The following FXR1 variants were observed in gnomAD, a reference collection of about 807,000 sequenced individuals.
The protein encoded by FXR1 is FMR1 autosomal homolog 1.
FXR1 carries 15 observed loss-of-function variants against 84.0 expected under a neutral mutation model. That is an observed-to-expected ratio of 0.18 (90% CI 0.12 to 0.27). FXR1 has a LOEUF of 0.27. FXR1 is among the 10% of genes least tolerant of loss of function. The pLI is 1.00. For missense variants in FXR1, 480 were observed against 774.4 expected, an observed-to-expected ratio of 0.62 and a Z score of 4.51; for synonymous variants, 245 against 250.7, an observed-to-expected ratio of 0.98 and a Z score of 0.21.
intron 13 of FXR1, among the ~76,000 whole-genome samples, chr3:180,966,807 T>C (rs370625423): frequency 2.6e-5 from 4 of 152,072 alleles, no homozygotes; most frequent in South Asian, 4.2e-4. Flanking sequence ...AACTAGGCCC[T>C]GAAGGAGATA....
At position 180,978,569 on chromosome 3, in the gene FXR1, C is replaced by G. The variant is rs531061114; in HGVS notation, c.*2277C>G. The G allele has an allele frequency of 6.6e-6, 1 of 151,976 alleles. No homozygotes were observed. Among genetic ancestry groups the G allele is most frequent in the African/African-American group, 2.4e-5 (1 of 41,396 alleles). The allele number at this position is 151,976 out of a possible 1,614,324, so 9.4% of individuals were successfully genotyped here. A position where few individuals can be genotyped will look rare whatever the true frequency, so the allele number is the denominator to read the frequency against. ...TATGGGAAGAACTTGCCACTATACACTAAACAGACACTTAAGCAAAAGATG... is the reference window on the plus strand; with the variant it reads ...TATGGGAAGAACTTGCCACTATACAGTAAACAGACACTTAAGCAAAAGATG... On this transcript the variant is annotated 3_prime_UTR_variant, in exon 17 of 17. Transcript: ENST00000357559.
intron 1 of FXR1, among the ~76,000 whole-genome samples, chr3:180,920,711 G>T (rs981069665): frequency 6.6e-6 from 1 of 152,030 alleles, no homozygotes; most frequent in African/African-American, 2.4e-5. Flanking sequence ...GCGATTTGCC[G>T]TGTTGACTAG....
chr3:180,922,263 A>G (rs1298871097), intron 1 of FXR1, among the ~76,000 whole-genome samples: 3 of 152,198 alleles, frequency 2.0e-5, no homozygotes. Flanking sequence ...AAGGCTTCTG[A>G]TGCTTCCTGT....
chr3:180,939,224 A>G (rs746276335), intron 3 of FXR1, among the ~76,000 whole-genome samples: 1 of 152,076 alleles, frequency 6.6e-6, no homozygotes, highest in Non-Finnish European at 1.5e-5. Flanking sequence ...TGTTTTCTAC[A>G]TCTGCTTCCC....
chr3:180,975,789 G>T (rs976019403), intron 16 of FXR1, among the ~76,000 whole-genome samples: 17 of 152,136 alleles, frequency 1.1e-4, no homozygotes, highest in Non-Finnish European at 1.8e-4. Context: ...AATAAGGTGA[G>T]TAAAGTAGGT....
At chr3:180,929,200 C>T (rs956089038) in intron 1 of FXR1, among the ~76,000 whole-genome samples, 15 of 152,238 alleles carry the variant, frequency 9.9e-5, no homozygotes, top group African/African-American at 2.9e-4. Flanking sequence ...CCACCGCGCC[C>T]GGCCTAATTT....
At position 180,946,028 on chromosome 3, in the gene FXR1, T is replaced by C. The variant is rs535912855; in HGVS notation, c.199-1837T>C. Among the ~76,000 whole-genome samples the C allele has an allele frequency of 3.2e-4, 48 of 152,348 alleles. 1 individual carries two copies. In the South Asian group the frequency reaches 9.5e-3, roughly 30 times the overall value. On this transcript the variant is annotated intron_variant, in intron 3 of 16. Transcript: ENST00000357559. ...CATTTATCAGTACTCTTTGCATCTG[T>C]TGTCTGATATCTCTAATAATTAGAA... is the stretch of plus-strand genomic sequence containing the variant.
At chr3:180,935,781 A>G (rs190228524) in intron 3 of FXR1, among the ~76,000 whole-genome samples, 4 of 152,358 alleles carry the variant, frequency 2.6e-5, no homozygotes, top group African/African-American at 7.2e-5. Context: ...TCACAGATGA[A>G]TAAAACATTG....
intron 1 of FXR1, among the ~76,000 whole-genome samples, chr3:180,926,498 A>ATT (rs1198239042): frequency 1.0e-4 from 7 of 68,096 alleles, no homozygotes; most frequent in African/African-American, 8.2e-4. Context: ...ATATATATAT[A>ATT]TATATATATT....
chr3:180,977,373 A>G lies in FXR1; in HGVS notation c.*1081A>G, dbSNP rs1054713391. 6.6e-6 allele frequency: 1 copy of G among 152,132 alleles called. No homozygotes were observed. The highest frequency in any genetic ancestry group is 1.5e-5 in the Non-Finnish European group (1 of 67,982). The allele number at this position is 152,132 out of a possible 1,614,324, so 9.4% of individuals were successfully genotyped here. ...GTTAGATGCATAGGTAATTAATAAT[A>G]CATGTGATAATTAGCAAAAAAACCT... On this transcript the variant is annotated 3_prime_UTR_variant, in exon 17 of 17. Coordinates refer to ENST00000357559, the MANE Select transcript of FXR1 (RefSeq NM_005087.4).
chr3:180,928,190 A>G (rs1042717823), intron 1 of FXR1, among the ~76,000 whole-genome samples: 2 of 151,882 alleles, frequency 1.3e-5, no homozygotes, highest in Non-Finnish European at 2.9e-5. Flanking sequence ...AAATGTTCCA[A>G]TACCATTTTA....
At chr3:180,973,624 AAATAT>A (rs1713858452) in intron 15 of FXR1, among the ~76,000 whole-genome samples, 1 of 152,218 alleles carries the variant, frequency 6.6e-6, no homozygotes, top group Non-Finnish European at 1.5e-5. Flanking sequence ...ATGTAGTTAT[AAATAT>A]ATTAGCAATG....
At chr3:180,915,178 G>A (rs1335548812) in intron 1 of FXR1, among the ~76,000 whole-genome samples, 1 of 151,446 alleles carries the variant, frequency 6.6e-6, no homozygotes, top group African/African-American at 2.5e-5. Context: ...GAATGTAAAA[G>A]TTAATGTTAA....
rs1553777587 is a variant in FXR1 at position 180,964,700 on chromosome 3, T to TAA, written c.1198+1611_1198+1612dup. 4.3e-4 allele frequency among the ~76,000 whole-genome samples: 60 copies of TAA among 139,822 alleles called. 1 individual carries two copies. Among genetic ancestry groups the TAA allele is most frequent in the Non-Finnish European group, 7.3e-4 (47 of 64,462 alleles). 91.7% of individuals were successfully genotyped at this position (139,822 alleles called of 152,430 possible). Reference sequence around the variant, plus strand: ...ATATATATATATATATATATATATATAATGAGTACTGTAGTTTTATCAGTT... The same window carrying TAA: ...ATATATATATATATATATATATATATAAAATGAGTACTGTAGTTTTATCAGTT... On this transcript the variant is annotated intron_variant, in intron 13 of 16. Coordinates refer to ENST00000357559, the MANE Select transcript of FXR1 (RefSeq NM_005087.4).
chr3:180,971,033 T>C (rs1713499668), intron 15 of FXR1: 2 of 713,066 alleles, frequency 2.8e-6, no homozygotes, highest in Non-Finnish European at 3.8e-6. Flanking sequence ...TTTTTTTGTT[T>C]GTTTTTGTCA....
At chr3:180,945,961 C>T (rs1400788974) in intron 3 of FXR1, among the ~76,000 whole-genome samples, 1 of 152,190 alleles carries the variant, frequency 6.6e-6, no homozygotes, top group African/African-American at 2.4e-5. Context: ...GTCACCATCT[C>T]AGACTTCATA....
intron 13 of FXR1, among the ~76,000 whole-genome samples, chr3:180,964,693 A>G (rs1056684599): frequency 8.1e-4 from 120 of 148,154 alleles, no homozygotes; most frequent in African/African-American, 2.8e-3. Context: ...ATATATATAT[A>G]TATATATAAT....
At chr3:180,914,421 A>G (rs1576873998) in intron 1 of FXR1, among the ~76,000 whole-genome samples, 1 of 152,068 alleles carries the variant, frequency 6.6e-6, no homozygotes, top group African/African-American at 2.4e-5. Context: ...TAGTTCTTGT[A>G]TAAGGGAGGT....
intron 2 of FXR1, 87 bp downstream of exon 2, chr3:180,933,473 A>G: frequency 1.3e-6 from 1 of 754,974 alleles, no homozygotes; most frequent in Non-Finnish European, 2.4e-6. Flanking sequence ...TGCCAGTGGA[A>G]AAATGATTTT....
Sources: allele counts gnomAD v4.1 joint callset (sites outside exome capture counted in the v4.1 genomes callset), GRCh38; gene constraint gnomAD v4.1.1; transcripts MANE v1.5; gene names NCBI Gene and HGNC (gene_info 2026-07-23, HGNC 2026-07-21).